The following AGBL4 variants were observed in gnomAD, a reference collection of about 807,000 sequenced individuals.
AGBL4 encodes the protein cytosolic carboxypeptidase 6.
AGBL4 carries 58 observed loss-of-function variants against 66.4 expected under a neutral mutation model. That is an observed-to-expected ratio of 0.87 (90% CI 0.71 to 1.09). The LOEUF (loss-of-function observed/expected upper bound fraction) is 1.09, where lower values mean the gene tolerates loss of function less well. Ranked by LOEUF, AGBL4 falls within the 50% of genes least tolerant of loss-of-function variation. The pLI is 0.00. For missense variants in AGBL4, 579 were observed against 631.0 expected, an observed-to-expected ratio of 0.92 and a Z score of 0.88; for synonymous variants, 234 against 222.9, an observed-to-expected ratio of 1.05 and a Z score of -0.44.
At chr1:48,814,491 A>G (rs1040941278) in intron 6 of AGBL4, among the ~76,000 whole-genome samples, 2 of 152,080 alleles carry the variant, frequency 1.3e-5, no homozygotes, top group African/African-American at 4.8e-5. Flanking sequence ...CTGAAATTAT[A>G]TAACTATTAT....
At chr1:49,909,530 C>T (rs962674658) in intron 1 of AGBL4, among the ~76,000 whole-genome samples, 1 of 152,068 alleles carries the variant, frequency 6.6e-6, no homozygotes, top group African/African-American at 2.4e-5. Flanking sequence ...TCAGTAAAGA[C>T]AAGGACACCA....
chr1:48,569,707 G>A (rs1644529178), intron 11 of AGBL4, among the ~76,000 whole-genome samples: 1 of 152,176 alleles, frequency 6.6e-6, no homozygotes, highest in Admixed American at 6.6e-5. Context: ...CTTTGGAGGA[G>A]GCCGACAGAC....
At chr1:48,913,045 T>G (rs1653276629) in intron 5 of AGBL4, among the ~76,000 whole-genome samples, 1 of 152,116 alleles carries the variant, frequency 6.6e-6, no homozygotes, top group East Asian at 1.9e-4. Flanking sequence ...GCAAGATGCA[T>G]TCAAATAACT....
Position 49,520,604 on chromosome 1 carries a change from A to G in AGBL4, c.282+176709T>C, listed in dbSNP as rs370110981. ...ATCTTGACTGCTCCCATTACAATCTATACTCAGCTATAATTTAGACTTTGG... is the reference window on the plus strand; with the variant it reads ...ATCTTGACTGCTCCCATTACAATCTGTACTCAGCTATAATTTAGACTTTGG... On this transcript the variant is annotated intron_variant, in intron 3 of 13. Transcript: ENST00000371839. 3.5e-4 allele frequency among the ~76,000 whole-genome samples: 53 copies of G among 152,058 alleles called. 1 individual carries two copies. The South Asian group carries it at 9.8e-3, about 28-fold the overall frequency.
At chr1:49,877,244 A>T (rs1647042016) in intron 1 of AGBL4, among the ~76,000 whole-genome samples, 2 of 151,030 alleles carry the variant, frequency 1.3e-5, no homozygotes, top group South Asian at 4.2e-4. Flanking sequence ...GCCGGTTTTC[A>T]AAGGGAATGC....
chr1:49,037,514 C>T (rs1221417088), intron 5 of AGBL4, among the ~76,000 whole-genome samples: 1 of 152,072 alleles, frequency 6.6e-6, no homozygotes, highest in African/African-American at 2.4e-5. Flanking sequence ...CTTATTTCTC[C>T]TGCATCCTCT....
chr1:49,993,188 C>A (rs1164199448), intron 1 of AGBL4, among the ~76,000 whole-genome samples: 1 of 152,110 alleles, frequency 6.6e-6, no homozygotes, highest in African/African-American at 2.4e-5. Flanking sequence ...AACCAAAATA[C>A]AATAAGATTA....
intron 5 of AGBL4, among the ~76,000 whole-genome samples, chr1:48,997,260 A>G (rs1557541496): frequency 6.6e-6 from 1 of 152,130 alleles, no homozygotes; most frequent in African/African-American, 2.4e-5. Context: ...AGAGATAGGG[A>G]TAATTTTAGT....
chr1:49,679,544 T>G (rs1418530380), intron 3 of AGBL4, among the ~76,000 whole-genome samples: 1 of 152,166 alleles, frequency 6.6e-6, no homozygotes, highest in Non-Finnish European at 1.5e-5. Flanking sequence ...TTGCTGTAAA[T>G]AAGGCCACTT....
chr1:49,870,579 C>G (rs1646814712), intron 1 of AGBL4, among the ~76,000 whole-genome samples: 1 of 149,078 alleles, frequency 6.7e-6, no homozygotes, highest in African/African-American at 2.5e-5. Flanking sequence ...TACAATGTAC[C>G]CTTAAAAATT....
At chr1:49,518,698 A>T (rs1381251980) in intron 3 of AGBL4, among the ~76,000 whole-genome samples, 1 of 152,102 alleles carries the variant, frequency 6.6e-6, no homozygotes, top group Non-Finnish European at 1.5e-5. Context: ...AAGCACCTTG[A>T]TACTATAAAG....
chr1:49,058,343 T>C (rs1644342739), intron 4 of AGBL4, among the ~76,000 whole-genome samples: 1 of 152,154 alleles, frequency 6.6e-6, no homozygotes, highest in Non-Finnish European at 1.5e-5. Flanking sequence ...GTTCTTGTGA[T>C]AGTGAGTGAG....
chr1:49,973,802 G>C (rs2148369267), intron 1 of AGBL4, among the ~76,000 whole-genome samples: 1 of 150,958 alleles, frequency 6.6e-6, no homozygotes, highest in African/African-American at 2.4e-5. Context: ...TGCCTGCATA[G>C]GACAAGGATT....
At chr1:49,845,968 ACAT>A (rs1646131176) in intron 2 of AGBL4, 1 of 1,566,110 alleles carries the variant, frequency 6.4e-7, no homozygotes, top group Non-Finnish European at 8.8e-7. Context: ...CCCTCACCAA[ACAT>A]CAGCGAAACC....
At chr1:49,954,173 G>A (rs1422928816) in intron 1 of AGBL4, among the ~76,000 whole-genome samples, 1 of 151,962 alleles carries the variant, frequency 6.6e-6, no homozygotes, top group Non-Finnish European at 1.5e-5. Flanking sequence ...GGGATTATAG[G>A]TGTTAGCCAC....
intron 2 of AGBL4, among the ~76,000 whole-genome samples, chr1:49,797,544 T>C (rs979378312): frequency 1.3e-5 from 2 of 152,106 alleles, no homozygotes; most frequent in Non-Finnish European, 2.9e-5. Context: ...CAAGTTATCC[T>C]CCCATGTCAA....
At chr1:49,978,435 C>T (rs1658764532) in intron 1 of AGBL4, among the ~76,000 whole-genome samples, 1 of 152,074 alleles carries the variant, frequency 6.6e-6, no homozygotes, top group African/African-American at 2.4e-5. Context: ...CAGAGAGAGA[C>T]CCTATCACTA....
At chr1:49,873,359 A>G (rs899540500) in intron 1 of AGBL4, among the ~76,000 whole-genome samples, 1 of 152,096 alleles carries the variant, frequency 6.6e-6, no homozygotes, top group Non-Finnish European at 1.5e-5. Context: ...ATTTTCTTCC[A>G]AAATGCTTTC....
intron 9 of AGBL4, among the ~76,000 whole-genome samples, chr1:48,605,760 CAG>C (rs1462719688): frequency 1.1e-4 from 16 of 152,174 alleles, no homozygotes; most frequent in Admixed American, 1.0e-3. Context: ...TATCTTTGAG[CAG>C]AGACTCTCTC....
Sources: gnomAD v4.1 joint callset for allele counts (sites outside exome capture counted in the v4.1 genomes callset) on GRCh38, gnomAD v4.1.1 for gene constraint, MANE v1.5 for transcripts, NCBI Gene and HGNC (gene_info 2026-07-23, HGNC 2026-07-21) for gene names.